AOPEP: variants seen among roughly 807,000 people sequenced by gnomAD.
AOPEP encodes aminopeptidase O.
A neutral mutation model predicts 98.1 loss-of-function variants in AOPEP; 77 were observed. The observed-to-expected ratio is 0.78, with a 90% CI of 0.65 to 0.95. The LOEUF is 0.95. Among genes scored for constraint, AOPEP ranks in the 40% least tolerant of loss-of-function variants. The pLI, the probability that AOPEP is intolerant of heterozygous loss-of-function variation, is 0.00. For missense variants in AOPEP, 1,024 were observed against 1,024.7 expected (o/e 1.00, Z 0.01); for synonymous variants, 346 against 365.3 (o/e 0.95, Z 0.60).
chr9:95,126,534 C>T, the AOPEP span: 1 of 1,613,924 alleles, frequency 6.2e-7, no homozygotes, highest in South Asian at 1.1e-5. Flanking sequence ...TTTACCTGAA[C>T]ATCTCATCAA....
At chr9:94,733,437 T>C (rs1273394683) in intron 1 of AOPEP, among the ~76,000 whole-genome samples, 1 of 152,118 alleles carries the variant, frequency 6.6e-6, no homozygotes, top group Non-Finnish European at 1.5e-5. Context: ...TTTTAGAAAT[T>C]CCTATTTTTA....
At chr9:94,879,345 G>T (rs2047319518) in intron 5 of AOPEP, among the ~76,000 whole-genome samples, 1 of 152,240 alleles carries the variant, frequency 6.6e-6, no homozygotes, top group Non-Finnish European at 1.5e-5. Context: ...AACAAGGACA[G>T]CTTGGAGGTT....
chr9:95,093,898 G>A, the AOPEP span, among the ~76,000 whole-genome samples: 157 of 152,282 alleles, frequency 1.0e-3, no homozygotes, highest in African/African-American at 3.6e-3. Flanking sequence ...CACATTATTC[G>A]GCCTCTCTGT....
At chr9:94,981,418 A>T (rs995981780) in intron 11 of AOPEP, among the ~76,000 whole-genome samples, 1 of 152,164 alleles carries the variant, frequency 6.6e-6, no homozygotes. Flanking sequence ...TGTGTTTAAG[A>T]CCCAACTGGT....
intron 5 of AOPEP, among the ~76,000 whole-genome samples, chr9:94,892,842 T>A (rs1049644738): frequency 4.6e-5 from 7 of 152,132 alleles, no homozygotes; most frequent in Non-Finnish European, 8.8e-5. Context: ...GCCTGTCAAG[T>A]AGGTAGGACT....
At chr9:94,833,021 C>T (rs1045522318) in intron 5 of AOPEP, among the ~76,000 whole-genome samples, 11 of 151,606 alleles carry the variant, frequency 7.3e-5, no homozygotes, top group African/African-American at 2.2e-4. Context: ...CTGCAGACTC[C>T]GCCTCCTGGG....
intron 12 of AOPEP, 23 bp downstream of exon 12, chr9:95,005,243 C>A: frequency 9.2e-7 from 1 of 1,081,550 alleles, no homozygotes; most frequent in Non-Finnish European, 1.1e-6. Context: ...GGCGCGGTCC[C>A]TGCGCCCCGG....
At chr9:95,101,529 C>A in the AOPEP span, 1 of 755,756 alleles carries the variant, frequency 1.3e-6, no homozygotes. Flanking sequence ...GCTGAGGGAC[C>A]TGGCTCTGCA....
At chr9:94,867,960 A>G (rs1303709000) in intron 5 of AOPEP, among the ~76,000 whole-genome samples, 2 of 152,224 alleles carry the variant, frequency 1.3e-5, no homozygotes, top group African/African-American at 4.8e-5. Context: ...TAACATGTTT[A>G]TAATATAAAT....
chr9:95,103,094 G>A, the AOPEP span, among the ~76,000 whole-genome samples: 21 of 152,286 alleles, frequency 1.4e-4, no homozygotes, highest in East Asian at 2.9e-3. Flanking sequence ...ATGTGAGCCT[G>A]CTGTGGACCC....
intron 3 of AOPEP, among the ~76,000 whole-genome samples, chr9:94,780,698 A>G (rs1032855970): frequency 2.0e-5 from 3 of 152,198 alleles, no homozygotes; most frequent in Non-Finnish European, 4.4e-5. Flanking sequence ...TTTCCTTTCT[A>G]AGTCATGTTT....
downstream of AOPEP, among the ~76,000 whole-genome samples, chr9:95,087,414 T>C (rs1264561098): frequency 8.4e-6 from 1 of 118,474 alleles, no homozygotes; most frequent in Non-Finnish European, 1.6e-5. Flanking sequence ...ACCCAGGAGG[T>C]GGCAGTTGCA....
rs941878286 is a variant in AOPEP at position 94,932,079 on chromosome 9, G to A, written c.1661+3548G>A. On this transcript the variant is annotated intron_variant, in intron 7 of 16. Transcript: ENST00000375315. ...AAACCCAGGGACGGAAACTCTTCTC[G>A]GTTCCCTATACCATATTCCTGTCTT... 6.4e-6 allele frequency: 7 copies of A among 1,087,286 alleles called. No homozygotes were observed. In the African/African-American group the frequency reaches 8.2e-5, roughly 13 times the overall value. The allele number at this position is 1,087,286 out of a possible 1,614,324, so 67.4% of individuals were successfully genotyped here.
chr9:94,844,362 G>T (rs563588470), intron 5 of AOPEP, among the ~76,000 whole-genome samples: 4 of 152,268 alleles, frequency 2.6e-5, no homozygotes, highest in Middle Eastern at 3.4e-3. Context: ...AAAGAAATTT[G>T]TAATTGATAC....
Position 94,955,176 on chromosome 9 carries a change from G to T in AOPEP, c.1662-1G>T, listed in dbSNP as rs776196508. The T allele has an allele frequency of 1.9e-6, 3 of 1,594,882 alleles. No individual in the cohort carries two copies. The highest frequency in any genetic ancestry group is 3.4e-5 in the Admixed American group (2 of 58,878). On this transcript the variant is annotated splice_acceptor_variant, in intron 7 of 16. Coordinates refer to ENST00000375315, the MANE Select transcript of AOPEP (RefSeq NM_001193329.3). LOFTEE classifies it high-confidence loss of function. ...AATAAATTGTTACTAAATCGTTTTA[G>T]ACCCAGTAAAGACAAAACTGGCCAC... is the stretch of plus-strand genomic sequence containing the variant.
chr9:94,773,559 A>T (rs1018574410), intron 3 of AOPEP, among the ~76,000 whole-genome samples: 1 of 152,140 alleles, frequency 6.6e-6, no homozygotes, highest in South Asian at 2.1e-4. Context: ...ATGTTAAGAG[A>T]TAGTGCTCTT....
At chr9:94,919,467 T>G (rs1480101375) in intron 5 of AOPEP, among the ~76,000 whole-genome samples, 1 of 152,138 alleles carries the variant, frequency 6.6e-6, no homozygotes, top group Non-Finnish European at 1.5e-5. Flanking sequence ...TGCCAGGCTG[T>G]CTGGGCCACC....
At chr9:95,031,688 C>A (rs183537845) in intron 13 of AOPEP, among the ~76,000 whole-genome samples, 26 of 152,322 alleles carry the variant, frequency 1.7e-4, no homozygotes, top group African/African-American at 4.3e-4. Context: ...CACCTTAAAT[C>A]CTGTTCAAGC....
At chr9:94,853,595 C>T (rs1351974220) in intron 5 of AOPEP, among the ~76,000 whole-genome samples, 1 of 152,072 alleles carries the variant, frequency 6.6e-6, no homozygotes, top group Non-Finnish European at 1.5e-5. Context: ...CCTATTGTTT[C>T]CAGAACATAT....
Sources: gnomAD v4.1 joint callset for allele counts (sites outside exome capture counted in the v4.1 genomes callset) on GRCh38, gnomAD v4.1.1 for gene constraint, MANE v1.5 for transcripts, NCBI Gene and HGNC (gene_info 2026-07-23, HGNC 2026-07-21) for gene names.